NEBL: variants seen among roughly 807,000 people sequenced by gnomAD.
NEBL encodes the protein LIM and SH3 protein 2.
Under a neutral mutation model 140.2 loss-of-function variants are expected in NEBL, and 122 were observed. The ratio of observed to expected loss-of-function variants is 0.87; its 90% CI spans 0.75 to 1.01. The LOEUF is 1.01. Ranked by LOEUF, NEBL falls within the 50% of genes least tolerant of loss-of-function variation. The probability of loss-of-function intolerance (pLI) is 0.00; values close to 1 mark genes in which losing one functional copy is unlikely to be tolerated. For missense variants in NEBL, 1,365 were observed against 1,231.3 expected (o/e 1.11, Z -1.62); for synonymous variants, 436 against 398.9 (o/e 1.09, Z -1.11).
At chr10:20,834,703 C>T (rs1186847203) in intron 14 of NEBL, among the ~76,000 whole-genome samples, 3 of 152,190 alleles carry the variant, frequency 2.0e-5, no homozygotes, top group African/African-American at 7.2e-5. Context: ...GACCCCTTCA[C>T]CTGCACCCCG....
chr10:21,103,750 T>C (rs1837583708), intron 2 of NEBL, among the ~76,000 whole-genome samples: 1 of 152,094 alleles, frequency 6.6e-6, no homozygotes, highest in African/African-American at 2.4e-5. Flanking sequence ...AGTCATGACA[T>C]GCGATTATTA....
intron 7 of NEBL, among the ~76,000 whole-genome samples, chr10:20,865,963 G>A (rs1023918501): frequency 6.6e-6 from 1 of 152,050 alleles, no homozygotes; most frequent in African/African-American, 2.4e-5. Flanking sequence ...CTTCTGGGAG[G>A]TTCACCATTT....
At chr10:20,899,507 A>G, upstream of NEBL, 1 of 1,015,668 alleles carries the variant, frequency 9.8e-7, no homozygotes, top group South Asian at 1.6e-5. Flanking sequence ...ACAAAAACCA[A>G]ACACCACGTG....
At chr10:21,098,709 A>C (rs907379721) in intron 2 of NEBL, among the ~76,000 whole-genome samples, 3 of 152,234 alleles carry the variant, frequency 2.0e-5, no homozygotes, top group Admixed American at 6.5e-5. Context: ...ATGTATCATC[A>C]TAAGCTGAAT....
At chr10:21,245,985 G>A (rs1449853973) in intron 3 of NEBL, among the ~76,000 whole-genome samples, 2 of 152,262 alleles carry the variant, frequency 1.3e-5, no homozygotes, top group East Asian at 1.9e-4. Context: ...ATGAGCCACC[G>A]CACCCAGCCA....
At chr10:20,849,402 C>T (rs999939713) in intron 11 of NEBL, among the ~76,000 whole-genome samples, 10 of 152,092 alleles carry the variant, frequency 6.6e-5, no homozygotes, top group African/African-American at 2.2e-4. Context: ...CTTCAAAGTT[C>T]GTGTGTTGAA....
Position 20,858,239 on chromosome 10 carries a change from C to T in NEBL, c.903+1G>A, listed in dbSNP as rs775057540. ...CGGTTGCCGCTAGATGAACCACTTA[C>T]GCCGCTGAGCATTTTGCTGGCTTTC... On this transcript the variant is annotated splice_donor_variant, in intron 9 of 27. Coordinates refer to ENST00000377122, the MANE Select transcript of NEBL (RefSeq NM_006393.3). LOFTEE classifies it high-confidence loss of function. 70 of 1,595,492 alleles carry T rather than the reference C, an allele frequency of 4.4e-5. No individual in the cohort carries two copies. The highest frequency in any genetic ancestry group is 1.0e-4 in the Admixed American group (6 of 59,958).
chr10:21,017,179 T>C (rs1234318231), intron 3 of NEBL, among the ~76,000 whole-genome samples: 1 of 151,822 alleles, frequency 6.6e-6, no homozygotes, highest in Non-Finnish European at 1.5e-5. Context: ...GTTACCTAAA[T>C]AGAGATAATA....
chr10:21,183,045 G>A (rs1841410517), intron 3 of NEBL, among the ~76,000 whole-genome samples: 1 of 152,286 alleles, frequency 6.6e-6, no homozygotes, highest in Admixed American at 6.5e-5. Context: ...CAGGGTCAAA[G>A]AACTGGGCAG....
intron 4 of NEBL, among the ~76,000 whole-genome samples, chr10:20,910,605 G>A (rs2131461998): frequency 6.6e-6 from 1 of 152,136 alleles, no homozygotes; most frequent in East Asian, 1.9e-4. Flanking sequence ...TTTGGGGTGG[G>A]CAGTGGAAAG....
intron 2 of NEBL, among the ~76,000 whole-genome samples, chr10:20,891,464 T>C (rs560999671): frequency 6.6e-6 from 1 of 152,294 alleles, no homozygotes; most frequent in African/African-American, 2.4e-5. Flanking sequence ...AAATAGCCTA[T>C]CATTAGGCTT....
At chr10:21,150,479 CA>C (rs1183214457) in intron 2 of NEBL, among the ~76,000 whole-genome samples, 8 of 152,146 alleles carry the variant, frequency 5.3e-5, no homozygotes, top group Non-Finnish European at 1.0e-4. Flanking sequence ...TGCACAACTA[CA>C]ATATGTGAAG....
At chr10:20,950,427 C>T (rs1835401458) in intron 4 of NEBL, among the ~76,000 whole-genome samples, 1 of 152,190 alleles carries the variant, frequency 6.6e-6, no homozygotes. Context: ...CAAGGAGACG[C>T]CGGGTGTTCC....
intron 4 of NEBL, among the ~76,000 whole-genome samples, chr10:20,926,244 T>C (rs1005177812): frequency 2.0e-5 from 3 of 152,212 alleles, no homozygotes; most frequent in Non-Finnish European, 4.4e-5. Context: ...AATAATATCC[T>C]GTTTGGAGAC....
intron 2 of NEBL, among the ~76,000 whole-genome samples, chr10:21,138,959 C>G (rs2132090294): frequency 6.6e-6 from 1 of 152,040 alleles, no homozygotes; most frequent in South Asian, 2.1e-4. Flanking sequence ...TAATAAATAA[C>G]AGCCACTATC....
chr10:21,088,052 T>C (rs1836723914), intron 2 of NEBL, among the ~76,000 whole-genome samples: 3 of 152,194 alleles, frequency 2.0e-5, no homozygotes, highest in African/African-American at 7.2e-5. Context: ...AAGTGAAGCT[T>C]CCCCTGACAG....
At chr10:21,029,318 T>C in intron 2 of NEBL, 2 of 1,610,552 alleles carry the variant, frequency 1.2e-6, no homozygotes, top group Non-Finnish European at 1.7e-6. Context: ...TCCTATGATG[T>C]GACAGAAGAG....
At chr10:21,066,734 G>C (rs1182322426) in intron 2 of NEBL, among the ~76,000 whole-genome samples, 1 of 152,168 alleles carries the variant, frequency 6.6e-6, no homozygotes, top group African/African-American at 2.4e-5. Context: ...CTTCTTAAGA[G>C]TTCATTTACT....
Position 20,812,890 on chromosome 10 carries a change from G to A in NEBL, c.2397C>T (p.Pro799=), listed in dbSNP as rs766216481. The A allele has an allele frequency of 3.7e-5, 59 of 1,613,954 alleles. No homozygotes were observed. Among genetic ancestry groups the A allele is most frequent in the Admixed American group, 5.0e-5 (3 of 60,002 alleles). ...TCTCTGTCACAGGATCGTCCACGAC[G>A]GGAGTAAAGCCTCTCCCCTTTGTTT... ...FEKTKGRGFT[P]VVDDPVTERV... is the part of the protein sequence containing the mutation. The change falls in exon 24 of 28, where the codon CCC becomes CCT. Residue 799 remains proline (P), a synonymous_variant. Transcript: ENST00000377122.
Sources: gnomAD v4.1 joint callset for allele counts (sites outside exome capture counted in the v4.1 genomes callset) on GRCh38, gnomAD v4.1.1 for gene constraint, MANE v1.5 for transcripts, NCBI Gene and HGNC (gene_info 2026-07-23, HGNC 2026-07-21) for gene names.